Variants in NASP observed in about 807,000 individuals in gnomAD.
NASP encodes nuclear autoantigenic sperm protein, also known as NASP histone chaperone.
NASP carries 24 observed loss-of-function variants against 89.5 expected under a neutral mutation model. The ratio of observed to expected loss-of-function variants is 0.27; its 90% CI spans 0.19 to 0.38. The LOEUF is 0.38. NASP is among the 10% of genes least tolerant of loss of function. The probability of loss-of-function intolerance (pLI) is 1.00; values close to 1 mark genes in which losing one functional copy is unlikely to be tolerated. For missense variants in NASP, 848 were observed against 921.4 expected (o/e 0.92, Z 1.03); for synonymous variants, 306 against 324.7 (o/e 0.94, Z 0.62).
At chr1:45,593,481 C>A (rs1643603425) in intron 2 of NASP, among the ~76,000 whole-genome samples, 1 of 138,384 alleles carries the variant, frequency 7.2e-6, no homozygotes. Flanking sequence ...TGCATTGAGC[C>A]AAGATTGTGC....
intron 9 of NASP, 132 bp downstream of exon 9, chr1:45,614,498 A>G (rs1644068679): frequency 1.4e-6 from 1 of 720,242 alleles, no homozygotes; most frequent in Non-Finnish European, 2.4e-6. Flanking sequence ...GGAACAATGA[A>G]CAGTCTCTTC....
intron 2 of NASP, among the ~76,000 whole-genome samples, chr1:45,592,494 G>A (rs1055607283): frequency 9.9e-5 from 15 of 152,186 alleles, no homozygotes; most frequent in African/African-American, 3.4e-4. Flanking sequence ...AATTATTACT[G>A]TTAGAATATC....
chr1:45,591,876 A>G (rs1224474246), intron 2 of NASP, among the ~76,000 whole-genome samples: 1 of 152,100 alleles, frequency 6.6e-6, no homozygotes, highest in Non-Finnish European at 1.5e-5. Flanking sequence ...GCTGGAGTTC[A>G]GTGATGTTAT....
At position 45,614,333 on chromosome 1, in the gene NASP, C is replaced by T. The variant is rs1261910423; in HGVS notation, c.1633C>T (p.His545Tyr). ...KEAQLYAAQA[H>Y]LKLGEVSVES... ...AGCACAGCTTTATGCTGCCCAGGCA[C>T]ATCTTAAACTCGGAGAAGTTAGTGT... The change falls in exon 9 of 15, where the codon CAT (histidine) becomes TAT (tyrosine). Residue 545 changes from histidine (H) to tyrosine (Y), a missense_variant. By Grantham distance (83) the His-to-Tyr change is moderately conservative. Coordinates refer to ENST00000350030, the MANE Select transcript of NASP (RefSeq NM_002482.4). The T allele has an allele frequency of 6.2e-7, 1 of 1,614,062 alleles. No individual in the cohort carries two copies. The highest frequency in any genetic ancestry group is 8.5e-7 in the Non-Finnish European group (1 of 1,179,910).
At chr1:45,604,800 G>T in intron 3 of NASP, 136 bp from the exon 4 acceptor site, 1 of 644,410 alleles carries the variant, frequency 1.6e-6, no homozygotes, top group South Asian at 2.0e-5. Flanking sequence ...ATGTCACTTT[G>T]ACCTTGAAAG....
rs1338240696 is a variant in NASP at position 45,602,152 on chromosome 1, T to C, written c.108-103T>C. ...TGTTAGCCAGGCCTTGCCAGAGTAG[T>C]CCAAAAGTTTTAAAAAATGAAACTA... On this transcript the variant is annotated intron_variant, in intron 2 of 14. Coordinates refer to ENST00000350030, the MANE Select transcript of NASP (RefSeq NM_002482.4). 4 of 1,414,310 alleles carry C rather than the reference T, an allele frequency of 2.8e-6. No individual in the cohort carries two copies. In the African/African-American group the frequency reaches 5.7e-5, roughly 20 times the overall value. 87.6% of individuals were successfully genotyped at this position (1,414,310 alleles called of 1,614,324 possible).
chr1:45,607,932 G>T lies in NASP; in HGVS notation c.1021G>T (p.Ala341Ser), dbSNP rs1235490601. 1.9e-6 allele frequency: 3 copies of T among 1,614,062 alleles called. No homozygotes were observed. The African/African-American group carries it at 4.0e-5, about 22-fold the overall frequency. ...ACTGGTAGGTCAAGAAGTACCACCT[G>T]CTGAAGAGTCACCAGAGGTGACAAC... ...EQLVGQEVPP[A>S]EESPEVTTEA... is the part of the protein sequence containing the mutation. The change falls in exon 6 of 15, where the codon GCT becomes TCT. Residue 341 changes from alanine to serine, a missense_variant. Transcript: ENST00000350030.
At chr1:45,605,041 G>T in intron 4 of NASP, 25 bp downstream of exon 4, 1 of 1,540,888 alleles carries the variant, frequency 6.5e-7, no homozygotes, top group Non-Finnish European at 9.0e-7. Flanking sequence ...TTTAAAAACT[G>T]AAGTTTCCTT....
chr1:45,593,862 A>C (rs904270801), intron 2 of NASP, among the ~76,000 whole-genome samples: 3 of 151,712 alleles, frequency 2.0e-5, no homozygotes, highest in African/African-American at 7.3e-5. Context: ...GTACAAAAAA[A>C]AAAAATTTTT....
chr1:45,591,421 A>G, intron 2 of NASP, 151 bp downstream of exon 2: 1 of 569,008 alleles, frequency 1.8e-6, no homozygotes, highest in Non-Finnish European at 3.0e-6. Context: ...GTGTGCAATC[A>G]GGGCTCACTA....
At chr1:45,585,273 T>C (rs1032555604) in intron 1 of NASP, among the ~76,000 whole-genome samples, 5 of 152,188 alleles carry the variant, frequency 3.3e-5, no homozygotes, top group African/African-American at 9.7e-5. Context: ...TTTTTTCTAA[T>C]CTTGTGCGCT....
intron 7 of NASP, among the ~76,000 whole-genome samples, 154 bp from the exon 8 acceptor site, chr1:45,613,942 A>G (rs1644059992): frequency 6.6e-6 from 1 of 152,220 alleles, no homozygotes; most frequent in Non-Finnish European, 1.5e-5. Context: ...CATGGTCATG[A>G]CTTAAGACAG....
At chr1:45,599,951 GTATT>G (rs1028517879) in intron 2 of NASP, among the ~76,000 whole-genome samples, 5 of 101,944 alleles carry the variant, frequency 4.9e-5, no homozygotes, top group Admixed American at 2.2e-4. Flanking sequence ...CTTTTCCTCT[GTATT>G]TTTTTTTTTT....
chr1:45,599,776 C>T (rs994157994), intron 2 of NASP, among the ~76,000 whole-genome samples: 1 of 152,096 alleles, frequency 6.6e-6, no homozygotes, highest in Non-Finnish European at 1.5e-5. Flanking sequence ...CTTGTTCTAT[C>T]TTAAAGTCTA....
chr1:45,595,567 C>T (rs1643675919), intron 2 of NASP, among the ~76,000 whole-genome samples: 1 of 152,180 alleles, frequency 6.6e-6, no homozygotes, highest in Non-Finnish European at 1.5e-5. Context: ...CTCCAGTACT[C>T]TTTCAGGGAT....
At chr1:45,594,140 A>G (rs1643625940) in intron 2 of NASP, among the ~76,000 whole-genome samples, 1 of 149,004 alleles carries the variant, frequency 6.7e-6, no homozygotes, top group South Asian at 2.2e-4. Flanking sequence ...AGCCTGGCCA[A>G]CATGGTGAAA....
rs895121293 is a variant in NASP, at chr1:45,613,209, G to A, written c.1467G>A (p.Lys489=). The stretch of plus-strand genomic sequence containing the variant: ...AAGAGGATGATAAAGAAAATGATAA[G>A]ACCGAAGAAATGCCAAATGATTCAG... ...GSEEDDKEND[K]TEEMPNDSVL... The change falls in exon 7 of 15, where the codon AAG becomes AAA. Residue 489 remains lysine (K), a synonymous_variant. Transcript: ENST00000350030. The A allele has an allele frequency of 1.9e-6, 3 of 1,611,826 alleles. No homozygotes were observed. The highest frequency in any genetic ancestry group is 1.3e-5 in the African/African-American group (1 of 74,746).
chr1:45,615,541 A>G (rs1644091213), intron 11 of NASP, 70 bp downstream of exon 11: 1 of 1,444,278 alleles, frequency 6.9e-7, no homozygotes, highest in Non-Finnish European at 9.4e-7. Context: ...TTTGCCAGGA[A>G]CTTTTCATCA....
chr1:45,596,239 AAC>A (rs1643691016), intron 2 of NASP, among the ~76,000 whole-genome samples: 2 of 152,186 alleles, frequency 1.3e-5, no homozygotes, highest in South Asian at 2.1e-4. Flanking sequence ...GTTGTGGTAA[AAC>A]ACATATAATA....
Sources: allele counts gnomAD v4.1 joint callset (sites outside exome capture counted in the v4.1 genomes callset), GRCh38; gene constraint gnomAD v4.1.1; transcripts MANE v1.5; gene names NCBI Gene and HGNC (gene_info 2026-07-23, HGNC 2026-07-21).